MMP16: variants seen among roughly 807,000 people sequenced by gnomAD.
The protein encoded by MMP16 is matrix metalloproteinase-16.
In MMP16, 12 loss-of-function variants were observed where a neutral mutation model predicts 67.8. The observed-to-expected ratio is 0.18, with a 90% CI of 0.11 to 0.29. The LOEUF is 0.29. Among genes scored for constraint, MMP16 ranks in the 10% least tolerant of loss-of-function variants. MMP16 has a pLI of 1.00. For synonymous variants in MMP16, 249 were observed against 255.9 expected, an observed-to-expected ratio of 0.97 and a Z score of 0.26; for missense variants, 475 against 765.7, an observed-to-expected ratio of 0.62 and a Z score of 4.48.
chr8:88,219,952 G>T (rs919562754), intron 1 of MMP16, among the ~76,000 whole-genome samples: 2 of 152,030 alleles, frequency 1.3e-5, no homozygotes, highest in African/African-American at 4.8e-5. Flanking sequence ...AAAGTAGAAA[G>T]AATGGTAAAT....
At chr8:88,285,111 C>T (rs1477461612) in intron 1 of MMP16, among the ~76,000 whole-genome samples, 1 of 151,886 alleles carries the variant, frequency 6.6e-6, no homozygotes, top group Non-Finnish European at 1.5e-5. Flanking sequence ...GGGACAAGAA[C>T]AGTTTTTTGT....
chr8:88,138,547 C>T (rs1297124846), intron 4 of MMP16, among the ~76,000 whole-genome samples: 6 of 152,028 alleles, frequency 3.9e-5, no homozygotes, highest in African/African-American at 7.2e-5. Flanking sequence ...CCTACTCTCA[C>T]GGATCTTGGC....
chr8:88,317,712 C>T lies in MMP16; in HGVS notation c.132+9363G>A, dbSNP rs371382952. Among the ~76,000 whole-genome samples the T allele has an allele frequency of 2.2e-4, 34 of 152,186 alleles. 2 individuals carry two copies. The highest frequency in any genetic ancestry group is 3.4e-3 in the Middle Eastern group (1 of 294). Reference sequence around the variant, plus strand: ...CTTTGTTAGTTGGTTTAGAAATAGTCCTTCTTTGATAGGTTAATAAACAAA... The same window carrying T: ...CTTTGTTAGTTGGTTTAGAAATAGTTCTTCTTTGATAGGTTAATAAACAAA... On this transcript the variant is annotated intron_variant, in intron 1 of 9. Transcript: ENST00000286614.
chr8:88,222,273 T>C (rs1180453204), intron 1 of MMP16, among the ~76,000 whole-genome samples: 1 of 151,852 alleles, frequency 6.6e-6, no homozygotes, highest in East Asian at 1.9e-4. Context: ...CTGAGTTATT[T>C]AGAAAATATT....
intron 1 of MMP16, among the ~76,000 whole-genome samples, chr8:88,200,264 G>A (rs1483177608): frequency 6.6e-6 from 1 of 151,936 alleles, no homozygotes; most frequent in Non-Finnish European, 1.5e-5. Context: ...TTGACAAACT[G>A]ATTTTTGTTA....
intron 3 of MMP16, among the ~76,000 whole-genome samples, chr8:88,185,700 T>G (rs908044375): frequency 6.6e-6 from 1 of 152,178 alleles, no homozygotes; most frequent in Admixed American, 6.5e-5. Context: ...CTTTCCTTCC[T>G]ATGGGTCTTA....
chr8:88,169,121 G>C (rs1808760995), intron 3 of MMP16, among the ~76,000 whole-genome samples: 2 of 152,034 alleles, frequency 1.3e-5, no homozygotes, highest in Non-Finnish European at 2.9e-5. Flanking sequence ...ATGAAGTGAT[G>C]GTTAAATTAT....
intron 4 of MMP16, among the ~76,000 whole-genome samples, chr8:88,162,039 C>G (rs1808635536): frequency 6.6e-6 from 1 of 151,604 alleles, no homozygotes; most frequent in Non-Finnish European, 1.5e-5. Flanking sequence ...CATCTCCTTC[C>G]TTTATTAACA....
At chr8:88,278,454 G>T (rs55865288) in intron 1 of MMP16, among the ~76,000 whole-genome samples, 1 of 152,162 alleles carries the variant, frequency 6.6e-6, no homozygotes. Flanking sequence ...GGAAGCATAA[G>T]AAGTATAAGG....
chr8:88,186,354 T>A, intron 3 of MMP16, 122 bp downstream of exon 3: 1 of 1,303,794 alleles, frequency 7.7e-7, no homozygotes, highest in Non-Finnish European at 1.1e-6. Flanking sequence ...AAATCTCTTA[T>A]GTTAACATTA....
At chr8:88,099,986 C>T (rs7003078) in intron 6 of MMP16, among the ~76,000 whole-genome samples, 151,239 of 152,002 alleles carry the variant, frequency 0.99, 75,248 homozygotes, top group Middle Eastern at 1. Flanking sequence ...TACAGAATAT[C>T]AGCCCTTTGT....
chr8:88,041,244 G>T lies in MMP16; in HGVS notation c.*217C>A. On this transcript the variant is annotated 3_prime_UTR_variant, in exon 10 of 10. Transcript: ENST00000286614. This position sits in a 1 kb window ranked among gnomAD's most constrained non-coding sequence, Gnocchi z 6.0. ...AACTGAATGACAAAGAAAGACAAAG[G>T]ACTGAAGAACAGCAGATACTGTGCA... The T allele has an allele frequency of 1.9e-6, 1 of 522,378 alleles. No homozygotes were observed. The highest frequency in any genetic ancestry group is 3.4e-6 in the Non-Finnish European group (1 of 294,012). The allele number at this position is 522,378 out of a possible 1,614,324, so 32.4% of individuals were successfully genotyped here. A position where few individuals can be genotyped will look rare whatever the true frequency, so the allele number is the denominator to read the frequency against.
chr8:88,065,415 T>C (rs1054355006), intron 7 of MMP16, among the ~76,000 whole-genome samples: 1 of 152,164 alleles, frequency 6.6e-6, no homozygotes, highest in African/African-American at 2.4e-5. Context: ...TAGAGGTATA[T>C]TAGCAATTAG....
Position 88,074,651 on chromosome 8 carries a change from G to T in MMP16, c.1176C>A (p.Ile392=), listed in dbSNP as rs770901050. The change falls in exon 7 of 10, where the codon ATC becomes ATA. Residue 392 remains isoleucine (I), a synonymous_variant. Coordinates refer to ENST00000286614, the MANE Select transcript of MMP16 (RefSeq NM_005941.5). ...CGTCGCTATTTTCATAAACTGCATC[G>T]ATACTAGGAGGCAAGCCCCGCCAGA... ...TYFWRGLPPS[I]DAVYENSDGN... is the part of the protein sequence containing the mutation. 1 of 1,613,474 alleles carries T rather than the reference G, an allele frequency of 6.2e-7. No individual in the cohort carries two copies. Among genetic ancestry groups the T allele is most frequent in the South Asian group, 1.1e-5 (1 of 91,058 alleles).
chr8:88,288,808 T>C (rs933326604), intron 1 of MMP16, among the ~76,000 whole-genome samples: 2 of 152,218 alleles, frequency 1.3e-5, no homozygotes, highest in Non-Finnish European at 2.9e-5. Flanking sequence ...TAATCAGTGA[T>C]GTAGATGAAG....
chr8:88,285,947 A>G (rs1476857735), intron 1 of MMP16, among the ~76,000 whole-genome samples: 1 of 152,164 alleles, frequency 6.6e-6, no homozygotes, highest in Non-Finnish European at 1.5e-5. Context: ...TTCTCTTCAA[A>G]GCCAGCTTCA....
chr8:88,168,612 A>C (rs572129573), intron 3 of MMP16, among the ~76,000 whole-genome samples: 84 of 152,302 alleles, frequency 5.5e-4, no homozygotes, highest in African/African-American at 2.0e-3. Context: ...GTTTGTCCTG[A>C]TGCTAATAAC....
chr8:88,096,496 T>C (rs1809028704), intron 6 of MMP16, among the ~76,000 whole-genome samples: 1 of 149,688 alleles, frequency 6.7e-6, no homozygotes, highest in Non-Finnish European at 1.5e-5. Context: ...CTTCTAAAAT[T>C]CTTCAAAGGA....
intron 4 of MMP16, among the ~76,000 whole-genome samples, chr8:88,159,061 T>A (rs985999911): frequency 6.6e-6 from 1 of 152,206 alleles, no homozygotes; most frequent in African/African-American, 2.4e-5. Context: ...CTGTTTTGGT[T>A]ACTGTAGCCT....
Sources: allele counts gnomAD v4.1 joint callset (sites outside exome capture counted in the v4.1 genomes callset), GRCh38; gene constraint gnomAD v4.1.1; non-coding constraint Gnocchi (gnomAD v3.1); transcripts MANE v1.5; gene names NCBI Gene and HGNC (gene_info 2026-07-23, HGNC 2026-07-21).